The following UPP1 variants were observed in gnomAD, a reference collection of about 807,000 sequenced individuals.
The protein encoded by UPP1 is UPase 1.
UPP1 carries 25 observed loss-of-function variants against 29.6 expected under a neutral mutation model. The observed-to-expected ratio is 0.85, with a 90% confidence interval of 0.62 to 1.18. UPP1 has a LOEUF of 1.18. Ranked by LOEUF, UPP1 falls within the 50% of genes most tolerant of loss-of-function variation. UPP1 has a pLI of 0.00. For missense variants in UPP1, 368 were observed against 410.4 expected, an observed-to-expected ratio of 0.90 and a Z score of 0.89; for synonymous variants, 165 against 159.8, an observed-to-expected ratio of 1.03 and a Z score of -0.25.
chr7:48,107,124 C>A (rs765033628), intron 7 of UPP1, 42 bp downstream of exon 7: 3 of 1,602,310 alleles, frequency 1.9e-6, no homozygotes, highest in Non-Finnish European at 2.6e-6. Context: ...AGCCAGGGAA[C>A]CCTGGTCCGT....
At chr7:48,105,464 G>T (rs1792680501) in intron 6 of UPP1, 2 of 152,208 alleles carry the variant, frequency 1.3e-5, no homozygotes, top group African/African-American at 4.8e-5. Flanking sequence ...CTCTGGAAAA[G>T]ATCTGACTTC....
Position 48,108,570 on chromosome 7 carries a change from T to A in UPP1, c.*213T>A. ...GCATTTTCAATGATGTTAGCCTGAT[T>A]TGGGGTTTCTTCAAGAACATTCTAC... is the stretch of plus-strand genomic sequence containing the variant. On this transcript the variant is annotated 3_prime_UTR_variant, in exon 9 of 9. Transcript: ENST00000395564. 1.9e-6 allele frequency: 1 copy of A among 513,906 alleles called. No homozygotes were observed. Among genetic ancestry groups the A allele is most frequent in the Non-Finnish European group, 3.0e-6 (1 of 329,284 alleles). 31.8% of individuals were successfully genotyped at this position (513,906 alleles called of 1,614,324 possible).
Position 48,101,936 on chromosome 7 carries a change from C to G in UPP1, c.275C>G (p.Thr92Ser). The G allele has an allele frequency of 6.2e-7, 1 of 1,614,056 alleles. No homozygotes were observed. Among genetic ancestry groups the G allele is most frequent in the Non-Finnish European group, 8.5e-7 (1 of 1,179,986 alleles). The change falls in exon 5 of 9, where the codon ACT (threonine) becomes AGT (serine). Residue 92 changes from threonine to serine, a missense_variant. Thr to Ser is a moderately conservative substitution (Grantham distance 58). Transcript: ENST00000395564. The part of the protein sequence containing the change: ...GRDYPNICAG[T>S]DRYAMYKVGP... ...GACTATCCCAACATCTGTGCGGGAA[C>G]TGACCGCTATGCCATGTATAAAGTA... is the stretch of plus-strand genomic sequence containing the variant.
Position 48,103,636 on chromosome 7 carries a change from C to T in UPP1, c.436+225C>T, listed in dbSNP as rs1792555872. The T allele has an allele frequency of 1.7e-5, 15 of 896,108 alleles. No individual in the cohort carries two copies. In the South Asian group the frequency reaches 2.4e-4, roughly 15 times the overall value. The allele number at this position is 896,108 out of a possible 1,614,324, so 55.5% of individuals were successfully genotyped here. ...AGCTAGGCAGTAGAAGGGCACCACACCATGCATATGGGGGAAACTCATCCT... is the reference window on the plus strand; with the variant it reads ...AGCTAGGCAGTAGAAGGGCACCACATCATGCATATGGGGGAAACTCATCCT... On this transcript the variant is annotated intron_variant, in intron 6 of 8. Coordinates refer to ENST00000395564, the MANE Select transcript of UPP1 (RefSeq NM_003364.4).
At chr7:48,106,778 C>A (rs1367110984) in intron 6 of UPP1, 95 bp from the exon 7 acceptor site, 1 of 1,134,606 alleles carries the variant, frequency 8.8e-7, no homozygotes, top group African/African-American at 1.5e-5. Context: ...CTGCTTCTTT[C>A]TTCCATATGC....
In UPP1 at chr7:48,107,005, T is replaced by A. The variant is rs1409407405; in HGVS notation, c.569T>A (p.Leu190Gln). The A allele has an allele frequency of 1.2e-6, 2 of 1,612,840 alleles. No individual in the cohort carries two copies. The highest frequency in any genetic ancestry group is 1.7e-6 in the Non-Finnish European group (2 of 1,179,966). ...TDLNKKLVQE[L>Q]LLCSAELSEF... ...CTTAACAAGAAGCTGGTGCAGGAGC[T>A]GTTGCTGTGTTCTGCAGAGCTGAGC... is the stretch of plus-strand genomic sequence containing the variant. The change falls in exon 7 of 9, where the codon CTG becomes CAG. Residue 190 changes from leucine to glutamine, a missense_variant. Coordinates refer to ENST00000395564, the MANE Select transcript of UPP1 (RefSeq NM_003364.4).
At position 48,103,313 on chromosome 7, in the gene UPP1, C is replaced by G; in HGVS notation, c.338C>G (p.Pro113Arg). The G allele has an allele frequency of 6.2e-7, 1 of 1,613,744 alleles. No individual in the cohort carries two copies. ...TGGTTCCAGCATGGTATGGGCATTC[C>G]TTCTATCTCAATCATGTTGCATGAG... ...VLSVSHGMGI[P>R]SISIMLHELI... is the part of the protein sequence containing the mutation. The change falls in exon 6 of 9, where the codon CCT (proline) becomes CGT (arginine). Residue 113 changes from proline to arginine, a missense_variant. Physicochemically the swap from Pro to Arg is moderately radical, Grantham distance 103 (BLOSUM62 -2). Transcript: ENST00000395564.
At chr7:48,105,468 TGAC>T (rs1792681015) in intron 6 of UPP1, 1 of 152,248 alleles carries the variant, frequency 6.6e-6, no homozygotes, top group Non-Finnish European at 1.5e-5. Flanking sequence ...GGAAAAGATC[TGAC>T]TTCTTGTTCC....
rs1183007810 is a variant in UPP1 at position 48,099,920 on chromosome 7, A to C, written c.162+133A>C. ...TTTATGAAGACATAATGTTTACCAA[A>C]TTTTTGCAAGTTTTTAACTTTCAAG... On this transcript the variant is annotated intron_variant, in intron 4 of 8. Transcript: ENST00000395564. 3.0e-5 allele frequency: 20 copies of C among 665,666 alleles called. No individual in the cohort carries two copies. In the South Asian group the frequency reaches 4.0e-4, roughly 13 times the overall value. The allele number at this position is 665,666 out of a possible 1,614,324, so 41.2% of individuals were successfully genotyped here. A position where few individuals can be genotyped will look rare whatever the true frequency, so the allele number is the denominator to read the frequency against.
intron 8 of UPP1, among the ~76,000 whole-genome samples, chr7:48,107,806 C>T (rs143031237): frequency 2.4e-3 from 369 of 152,302 alleles, no homozygotes; most frequent in African/African-American, 8.3e-3. Context: ...GCTTTCAAAG[C>T]GCTTTGGCTT....
intron 2 of UPP1, among the ~76,000 whole-genome samples, chr7:48,091,230 C>A (rs1791813054): frequency 6.6e-6 from 1 of 151,000 alleles, no homozygotes; most frequent in Non-Finnish European, 1.5e-5. Context: ...AAGTAACTTA[C>A]CAATCTGATT....
Position 48,089,320 on chromosome 7 carries a change from G to A in UPP1, c.-297G>A, listed in dbSNP as rs918256761. 6.6e-6 allele frequency: 1 copy of A among 152,416 alleles called. No individual in the cohort carries two copies. 9.4% of individuals were successfully genotyped at this position (152,416 alleles called of 1,614,324 possible). ...CCCGCCGTCTGCGAGCCTCCCGAGAGCCGTCCCTTCGTCCGGCCCTGGAGC... is the reference window on the plus strand; with the variant it reads ...CCCGCCGTCTGCGAGCCTCCCGAGAACCGTCCCTTCGTCCGGCCCTGGAGC... On this transcript the variant is annotated 5_prime_UTR_variant, in exon 1 of 9. Coordinates refer to ENST00000395564, the MANE Select transcript of UPP1 (RefSeq NM_003364.4).
intron 3 of UPP1, among the ~76,000 whole-genome samples, chr7:48,096,616 T>G (rs2128810597): frequency 6.6e-6 from 1 of 152,294 alleles, no homozygotes; most frequent in Admixed American, 6.5e-5. Context: ...TTTGGGCAAG[T>G]TTATATAAAG....
chr7:48,093,067 C>T (rs1791932716), intron 2 of UPP1, among the ~76,000 whole-genome samples: 1 of 152,146 alleles, frequency 6.6e-6, no homozygotes, highest in Non-Finnish European at 1.5e-5. Context: ...AACACCACAC[C>T]TTATTCCCCT....
intron 3 of UPP1, among the ~76,000 whole-genome samples, chr7:48,096,170 G>T (rs904345311): frequency 1.4e-4 from 21 of 152,094 alleles, no homozygotes; most frequent in African/African-American, 4.6e-4. Context: ...CTCAGTGAGG[G>T]TTTCCTCCCC....
At chr7:48,101,260 A>G (rs1336899656) in intron 4 of UPP1, among the ~76,000 whole-genome samples, 1 of 152,154 alleles carries the variant, frequency 6.6e-6, no homozygotes, top group African/African-American at 2.4e-5. Context: ...TTTCAAAACC[A>G]ACATTTTCTT....
chr7:48,099,687 T>A lies in UPP1; in HGVS notation c.62T>A (p.Leu21His), dbSNP rs773553422. 1.2e-6 allele frequency: 2 copies of A among 1,612,728 alleles called. No homozygotes were observed. The highest frequency in any genetic ancestry group is 2.7e-5 in the African/African-American group (2 of 74,912). ...TTTAACAGTGATTGCCCCGTCAGAC[T>A]TTTAAATCCAAACATAGCAAAAATG... ...AESHNDCPVR[L>H]LNPNIAKMKE... The change falls in exon 4 of 9, where the codon CTT becomes CAT. Residue 21 changes from leucine (L) to histidine (H), a missense_variant. By Grantham distance (99) the Leu-to-His change is moderately conservative (BLOSUM62 -3). Coordinates refer to ENST00000395564, the MANE Select transcript of UPP1 (RefSeq NM_003364.4).
Position 48,108,453 on chromosome 7 carries a change from A to C in UPP1, c.*96A>C, listed in dbSNP as rs1307140965. On this transcript the variant is annotated 3_prime_UTR_variant, in exon 9 of 9. Transcript: ENST00000395564. ...TGTGTGGACTTTGAGCACACTTTAC[A>C]CAAGAATCTAGAAAATCAGATCGCG... 2.9e-6 allele frequency: 4 copies of C among 1,390,774 alleles called. No individual in the cohort carries two copies. The highest frequency in any genetic ancestry group is 3.9e-6 in the Non-Finnish European group (4 of 1,036,832). The allele number at this position is 1,390,774 out of a possible 1,614,324, so 86.2% of individuals were successfully genotyped here. A position where few individuals can be genotyped will look rare whatever the true frequency, so the allele number is the denominator to read the frequency against.
intron 6 of UPP1, chr7:48,103,803 G>T (rs1184984974): frequency 7.7e-7 from 1 of 1,290,616 alleles, no homozygotes; most frequent in Non-Finnish European, 1.0e-6. Context: ...CACCTTAGGA[G>T]AAAAGACACA....
Sources: allele counts gnomAD v4.1 joint callset (sites outside exome capture counted in the v4.1 genomes callset), GRCh38; gene constraint gnomAD v4.1.1; transcripts MANE v1.5; gene names NCBI Gene and HGNC (gene_info 2026-07-23, HGNC 2026-07-21).